The following METAP2 variants were observed in gnomAD, a reference collection of about 807,000 sequenced individuals.
METAP2 encodes methionyl aminopeptidase 2.
A neutral mutation model predicts 59.4 loss-of-function variants in METAP2; 25 were observed. The observed-to-expected ratio is 0.42, with a 90% confidence interval of 0.31 to 0.59. The LOEUF is 0.59. METAP2 is among the 20% of genes least tolerant of loss of function. The pLI, the probability that METAP2 is intolerant of heterozygous loss-of-function variation, is 0.16. For synonymous variants in METAP2, 214 were observed against 194.1 expected (o/e 1.10, Z -0.85); for missense variants, 366 against 581.2 (o/e 0.63, Z 3.81).
chr12:95,488,808 A>G (rs1328294594), intron 4 of METAP2, among the ~76,000 whole-genome samples: 1 of 152,094 alleles, frequency 6.6e-6, no homozygotes, highest in African/African-American at 2.4e-5. Context: ...TTCTTAGGCT[A>G]ATACTATTTT....
At position 95,491,082 on chromosome 12, in the gene METAP2, CTTT is replaced by C. The variant is rs11329335; in HGVS notation, c.429-2960_429-2958del. 2.3e-3 allele frequency among the ~76,000 whole-genome samples: 303 copies of C among 134,492 alleles called. 1 individual carries two copies. Among genetic ancestry groups the C allele is most frequent in the African/African-American group, 7.9e-3 (284 of 36,050 alleles). The allele number at this position is 134,492 out of a possible 152,430, so 88.2% of individuals were successfully genotyped here. On this transcript the variant is annotated intron_variant, in intron 4 of 10. Transcript: ENST00000323666. Reference sequence around the variant, plus strand: ...CTCTTGATTAATGTGACAGCCAACTCTTTTTTTTTTTTTTTTCTTTTAAAGGTA... The same window carrying C: ...CTCTTGATTAATGTGACAGCCAACTCTTTTTTTTTTTTTCTTTTAAAGGTA...
At chr12:95,478,772 A>G (rs1056921308) in intron 2 of METAP2, among the ~76,000 whole-genome samples, 2 of 152,242 alleles carry the variant, frequency 1.3e-5, no homozygotes, top group South Asian at 2.1e-4. Flanking sequence ...AGGAAGGCTC[A>G]TTGGAAGGAA....
At chr12:95,501,953 G>A (rs537223365) in intron 7 of METAP2, among the ~76,000 whole-genome samples, 5 of 149,380 alleles carry the variant, frequency 3.3e-5, no homozygotes, top group South Asian at 2.1e-4. Context: ...ATCAGCTTTC[G>A]TCTGGGAATC....
chr12:95,485,982 G>A lies in METAP2; in HGVS notation c.428+1G>A, dbSNP rs1403023559. On this transcript the variant is annotated splice_donor_variant, in intron 4 of 10. Coordinates refer to ENST00000323666, the MANE Select transcript of METAP2 (RefSeq NM_006838.4). LOFTEE classifies it high-confidence loss of function. ...GCGAATACCCACCCACACAAGATGGGTAAGGATCATCAAATCACTTCCAGT... is the reference window on the plus strand; with the variant it reads ...GCGAATACCCACCCACACAAGATGGATAAGGATCATCAAATCACTTCCAGT... 1 of 1,553,136 alleles carries A rather than the reference G, an allele frequency of 6.4e-7. No individual in the cohort carries two copies. Among genetic ancestry groups the A allele is most frequent in the Non-Finnish European group, 8.8e-7 (1 of 1,137,884 alleles).
chr12:95,488,239 C>A (rs2076211780), intron 4 of METAP2, among the ~76,000 whole-genome samples: 1 of 151,872 alleles, frequency 6.6e-6, no homozygotes, highest in Admixed American at 6.6e-5. Context: ...GTGGCTCATG[C>A]CTGTAATCCT....
chr12:95,487,147 TC>T (rs2076203216), intron 4 of METAP2, among the ~76,000 whole-genome samples: 1 of 152,202 alleles, frequency 6.6e-6, no homozygotes, highest in East Asian at 1.9e-4. Flanking sequence ...GCAAGCTAGT[TC>T]CTGTTATTCA....
chr12:95,512,051 G>GC (rs1175359252), intron 9 of METAP2, 53 bp downstream of exon 9: 2 of 1,293,526 alleles, frequency 1.5e-6, no homozygotes, highest in African/African-American at 2.9e-5. Context: ...TTTCTTCCAA[G>GC]CAGAAGGTCA....
In METAP2 at chr12:95,501,680, A is replaced by C. The variant is rs954378411; in HGVS notation, c.868-2385A>C. 5.9e-5 allele frequency among the ~76,000 whole-genome samples: 9 copies of C among 151,790 alleles called. No individual in the cohort carries two copies. The East Asian group carries it at 9.7e-4, about 16-fold the overall frequency. On this transcript the variant is annotated intron_variant, in intron 7 of 10. Transcript: ENST00000323666. Reference sequence around the variant, plus strand: ...CAGTCAGCTGAGATTGCGCCACTGCACTCCAGCCTGGCGACAGAGCAAAAC... The same window carrying C: ...CAGTCAGCTGAGATTGCGCCACTGCCCTCCAGCCTGGCGACAGAGCAAAAC...
chr12:95,497,663 C>A (rs1329878145), intron 7 of METAP2, among the ~76,000 whole-genome samples: 1 of 152,178 alleles, frequency 6.6e-6, no homozygotes, highest in African/African-American at 2.4e-5. Context: ...CTACTTTCCA[C>A]AGTGGCTGTA....
At chr12:95,492,160 A>G (rs4762521) in intron 4 of METAP2, among the ~76,000 whole-genome samples, 7 of 95,610 alleles carry the variant, frequency 7.3e-5, no homozygotes, top group African/African-American at 2.7e-4. Context: ...GTGTGTATGT[A>G]TATGTGTGTG....
intron 8 of METAP2, among the ~76,000 whole-genome samples, chr12:95,505,329 GACTTAA>G (rs896957284): frequency 1.5e-4 from 23 of 150,736 alleles, no homozygotes; most frequent in Admixed American, 3.3e-4. Flanking sequence ...TTTATTACCA[GACTTAA>G]ACTTTTTTTT....
At chr12:95,484,619 G>A (rs2076182298) in intron 3 of METAP2, among the ~76,000 whole-genome samples, 2 of 152,102 alleles carry the variant, frequency 1.3e-5, no homozygotes, top group South Asian at 4.1e-4. Context: ...TCTTCTGACA[G>A]ATGTTTTAAG....
intron 3 of METAP2, among the ~76,000 whole-genome samples, chr12:95,483,729 A>G (rs2076176378): frequency 6.6e-6 from 1 of 152,162 alleles, no homozygotes; most frequent in Non-Finnish European, 1.5e-5. Context: ...ATGAGTTTCT[A>G]AAAATTTTAT....
chr12:95,495,090 T>C lies in METAP2; in HGVS notation c.724T>C (p.Leu242=). Reference sequence around the variant, plus strand: ...TCCCAATGCCGGTGACACAACAGTATTACAGTATGATGACATCTGTAAAAT... The same window carrying C: ...TCCCAATGCCGGTGACACAACAGTACTACAGTATGATGACATCTGTAAAAT... ...YTPNAGDTTV[L]QYDDICKIDF... The change falls in exon 6 of 11, where the codon TTA becomes CTA. Residue 242 remains leucine (L), a synonymous_variant. Coordinates refer to ENST00000323666, the MANE Select transcript of METAP2 (RefSeq NM_006838.4). 6.2e-6 allele frequency: 10 copies of C among 1,613,680 alleles called. No homozygotes were observed. The highest frequency in any genetic ancestry group is 8.5e-6 in the Non-Finnish European group (10 of 1,179,654).
At chr12:95,493,578 A>G (rs574522032) in intron 4 of METAP2, among the ~76,000 whole-genome samples, 6 of 152,342 alleles carry the variant, frequency 3.9e-5, no homozygotes, top group African/African-American at 1.4e-4. Flanking sequence ...AACCCAGCAC[A>G]CGCATGTAAT....
intron 1 of METAP2, 67 bp from the exon 2 acceptor site, chr12:95,476,004 A>G: frequency 3.3e-6 from 3 of 901,540 alleles, no homozygotes; most frequent in African/African-American, 1.7e-5. Flanking sequence ...TTCCAAGATC[A>G]TTAGAGCATA....
At chr12:95,484,710 T>C (rs140725521) in intron 3 of METAP2, 1 of 364,986 alleles carries the variant, frequency 2.7e-6, no homozygotes, top group East Asian at 7.8e-5. Context: ...TATGAGGTAC[T>C]CTTTTTTTTT....
intron 7 of METAP2, among the ~76,000 whole-genome samples, chr12:95,503,583 C>T (rs1360245956): frequency 6.6e-6 from 1 of 152,122 alleles, no homozygotes; most frequent in Non-Finnish European, 1.5e-5. Context: ...CCTATGTGAC[C>T]AGAAGCAGCA....
In METAP2 at chr12:95,476,193, T is replaced by G; in HGVS notation, c.259+15T>G. ...AGATGATGAAGGTAAATGGTTAATT[T>G]GATCTTTGTGGTTAGAAAAGCTAGA... On this transcript the variant is annotated intron_variant, in intron 2 of 10. Coordinates refer to ENST00000323666, the MANE Select transcript of METAP2 (RefSeq NM_006838.4). 1 of 1,528,316 alleles carries G rather than the reference T, an allele frequency of 6.5e-7. No homozygotes were observed. Among genetic ancestry groups the G allele is most frequent in the Non-Finnish European group, 9.0e-7 (1 of 1,111,164 alleles). 94.7% of individuals were successfully genotyped at this position (1,528,316 alleles called of 1,614,324 possible). A position where few individuals can be genotyped will look rare whatever the true frequency, so the allele number is the denominator to read the frequency against.
Sources: allele counts gnomAD v4.1 joint callset (sites outside exome capture counted in the v4.1 genomes callset), GRCh38; gene constraint gnomAD v4.1.1; transcripts MANE v1.5; gene names NCBI Gene and HGNC (gene_info 2026-07-23, HGNC 2026-07-21).